ITGA9: variants seen among roughly 807,000 people sequenced by gnomAD.
The protein encoded by ITGA9 is integrin alpha-9.
ITGA9 carries 56 observed loss-of-function variants against 127.8 expected under a neutral mutation model. The observed-to-expected ratio is 0.44, with a 90% CI of 0.35 to 0.55. The LOEUF is 0.55. Ranked by LOEUF, ITGA9 falls within the 20% of genes least tolerant of loss-of-function variation. The pLI is 0.00. For synonymous variants in ITGA9, 508 were observed against 514.5 expected, an observed-to-expected ratio of 0.99 and a Z score of 0.17; for missense variants, 1,196 against 1,347.1, an observed-to-expected ratio of 0.89 and a Z score of 1.76.
chr3:37,527,755 A>G (rs1298294606), intron 13 of ITGA9, among the ~76,000 whole-genome samples: 2 of 148,070 alleles, frequency 1.4e-5, no homozygotes, highest in African/African-American at 5.0e-5. Context: ...ACACTCCTCA[A>G]CTTTTACAGT....
At chr3:37,466,945 A>G (rs1233521852) in intron 1 of ITGA9, among the ~76,000 whole-genome samples, 1 of 152,198 alleles carries the variant, frequency 6.6e-6, no homozygotes, top group Non-Finnish European at 1.5e-5. Context: ...GTCTTTTTAT[A>G]ACTTAGCAGA....
intron 15 of ITGA9, among the ~76,000 whole-genome samples, chr3:37,565,910 A>G (rs1400993363): frequency 4.6e-5 from 7 of 152,160 alleles, no homozygotes; most frequent in Non-Finnish European, 7.3e-5. Context: ...CTTGAGTGGT[A>G]ATGGAATTGG....
At chr3:37,818,690 C>T (rs1285606728) in intron 27 of ITGA9, 6 of 618,384 alleles carry the variant, frequency 9.7e-6, no homozygotes, top group African/African-American at 1.8e-5. Context: ...GTAATATCAC[C>T]CGCAGGAAGT....
At chr3:37,626,980 C>T (rs540436380) in intron 15 of ITGA9, among the ~76,000 whole-genome samples, 9 of 152,258 alleles carry the variant, frequency 5.9e-5, no homozygotes, top group African/African-American at 9.6e-5. Flanking sequence ...TTCTCCACAC[C>T]GCGGGCAGTC....
intron 16 of ITGA9, among the ~76,000 whole-genome samples, chr3:37,646,686 G>A (rs964743036): frequency 6.6e-6 from 1 of 152,224 alleles, no homozygotes; most frequent in East Asian, 1.9e-4. Context: ...AAGTCTGGAG[G>A]GAGGTGGAAG....
chr3:37,626,172 C>T (rs757815664), intron 15 of ITGA9, among the ~76,000 whole-genome samples: 1 of 152,178 alleles, frequency 6.6e-6, no homozygotes, highest in Non-Finnish European at 1.5e-5. Flanking sequence ...AAACATTTTT[C>T]CCCTCACCCT....
At chr3:37,490,329 T>C (rs1247339737) in intron 4 of ITGA9, among the ~76,000 whole-genome samples, 1 of 152,188 alleles carries the variant, frequency 6.6e-6, no homozygotes, top group Non-Finnish European at 1.5e-5. Context: ...GCTGAACATA[T>C]TGACATACTG....
chr3:37,768,674 T>C (rs968749645), intron 23 of ITGA9, among the ~76,000 whole-genome samples: 3 of 152,090 alleles, frequency 2.0e-5, no homozygotes, highest in Non-Finnish European at 4.4e-5. Flanking sequence ...ATAAAGTCAA[T>C]GAATAACACA....
chr3:37,812,585 C>T (rs1451229917), intron 27 of ITGA9, among the ~76,000 whole-genome samples: 1 of 152,262 alleles, frequency 6.6e-6, no homozygotes, highest in Non-Finnish European at 1.5e-5. Flanking sequence ...CTTTTGGATA[C>T]ATGGTTATAT....
chr3:37,454,936 T>C (rs1383877245), intron 1 of ITGA9, among the ~76,000 whole-genome samples: 1 of 152,200 alleles, frequency 6.6e-6, no homozygotes, highest in East Asian at 1.9e-4. Flanking sequence ...TCTTTCTCCT[T>C]TTTCTTTCCT....
At chr3:37,485,520 C>G (rs897422828) in intron 4 of ITGA9, among the ~76,000 whole-genome samples, 2 of 151,992 alleles carry the variant, frequency 1.3e-5, no homozygotes, top group Admixed American at 6.6e-5. Flanking sequence ...GAGGAGCTCC[C>G]GAGAAAACTC....
chr3:37,477,595 T>A (rs1559515872), intron 3 of ITGA9, among the ~76,000 whole-genome samples: 1 of 152,168 alleles, frequency 6.6e-6, no homozygotes, highest in Non-Finnish European at 1.5e-5. Context: ...GCAAGCCCCT[T>A]CCCTTCTCAC....
chr3:37,782,875 C>T (rs976416147), intron 25 of ITGA9, among the ~76,000 whole-genome samples: 1 of 152,210 alleles, frequency 6.6e-6, no homozygotes, highest in Non-Finnish European at 1.5e-5. Context: ...CGCAGTGGCT[C>T]ACGCCTGTAA....
At chr3:37,656,412 C>G (rs1477913143) in intron 17 of ITGA9, among the ~76,000 whole-genome samples, 1 of 152,122 alleles carries the variant, frequency 6.6e-6, no homozygotes, top group African/African-American at 2.4e-5. Context: ...CTTCACATCT[C>G]TTGTAAGTTG....
chr3:37,511,089 A>C (rs1216281309), intron 8 of ITGA9, among the ~76,000 whole-genome samples: 1 of 152,192 alleles, frequency 6.6e-6, no homozygotes, highest in Non-Finnish European at 1.5e-5. Flanking sequence ...GTTCTAACTC[A>C]GCAAACCACC....
chr3:37,495,199 A>G (rs1191459899), intron 5 of ITGA9, among the ~76,000 whole-genome samples: 2 of 152,088 alleles, frequency 1.3e-5, no homozygotes, highest in Non-Finnish European at 2.9e-5. Context: ...GTGATCTGCC[A>G]GTCTCGGCTT....
At chr3:37,478,611 C>A (rs1469606642) in intron 3 of ITGA9, among the ~76,000 whole-genome samples, 1 of 152,148 alleles carries the variant, frequency 6.6e-6, no homozygotes, top group Non-Finnish European at 1.5e-5. Flanking sequence ...TCCCTCACAG[C>A]CGAACTCATT....
intron 26 of ITGA9, among the ~76,000 whole-genome samples, chr3:37,785,426 C>T (rs1559598218): frequency 1.3e-5 from 2 of 152,152 alleles, no homozygotes; most frequent in Non-Finnish European, 2.9e-5. Flanking sequence ...CTAAGACAGA[C>T]CACATCTGCC....
chr3:37,553,178 C>G (rs1344102446), intron 15 of ITGA9, among the ~76,000 whole-genome samples: 1 of 152,114 alleles, frequency 6.6e-6, no homozygotes, highest in Non-Finnish European at 1.5e-5. Context: ...GAGAGTAAGT[C>G]GGAGACGCGA....
Sources: allele counts gnomAD v4.1 joint callset (sites outside exome capture counted in the v4.1 genomes callset), GRCh38; gene constraint gnomAD v4.1.1; transcripts MANE v1.5; gene names NCBI Gene and HGNC (gene_info 2026-07-23, HGNC 2026-07-21).